MARCHF6: variants seen among roughly 807,000 people sequenced by gnomAD.
MARCHF6 encodes the protein membrane associated ring-CH-type finger 6, also known as E3 ubiquitin-protein ligase MARCHF6.
In MARCHF6, 31 loss-of-function variants were observed where a neutral mutation model predicts 133.7. The ratio of observed to expected loss-of-function variants is 0.23; its 90% CI spans 0.17 to 0.31. The LOEUF is 0.31. Ranked by LOEUF, MARCHF6 falls within the 10% of genes least tolerant of loss-of-function variation. The probability of loss-of-function intolerance (pLI) is 1.00; values close to 1 mark genes in which losing one functional copy is unlikely to be tolerated. For synonymous variants in MARCHF6, 395 were observed against 402.5 expected, an observed-to-expected ratio of 0.98 and a Z score of 0.22; for missense variants, 723 against 1,121.6, an observed-to-expected ratio of 0.64 and a Z score of 5.08.
intron 24 of MARCHF6, 25 bp from the exon 25 acceptor site, chr5:10,429,868 A>G (rs1740280964): frequency 1.9e-6 from 3 of 1,601,850 alleles, no homozygotes; most frequent in Non-Finnish European, 2.6e-6. Context: ...CATACACTGA[A>G]AGTTTTTCTT....
chr5:10,377,084 T>G (rs1407982092), intron 1 of MARCHF6, among the ~76,000 whole-genome samples: 1 of 152,086 alleles, frequency 6.6e-6, no homozygotes, highest in African/African-American at 2.4e-5. Flanking sequence ...GTCGTGCTGC[T>G]TTGGGGCCAC....
chr5:10,394,536 A>G (rs1738060013), intron 8 of MARCHF6, among the ~76,000 whole-genome samples: 2 of 152,196 alleles, frequency 1.3e-5, no homozygotes, highest in African/African-American at 2.4e-5. Flanking sequence ...TTTATAAATC[A>G]TGTAATTTTG....
At position 10,439,941 on chromosome 5, in the gene MARCHF6, G is replaced by A. The variant is rs1213944971; in HGVS notation, c.*6257G>A. 1 of 152,212 alleles carries A rather than the reference G, an allele frequency of 6.6e-6. No individual in the cohort carries two copies. Among genetic ancestry groups the A allele is most frequent in the East Asian group, 1.9e-4 (1 of 5,198 alleles). 9.4% of individuals were successfully genotyped at this position (152,212 alleles called of 1,614,324 possible). A position where few individuals can be genotyped will look rare whatever the true frequency, so the allele number is the denominator to read the frequency against. On this transcript the variant is annotated 3_prime_UTR_variant, in exon 26 of 26. Coordinates refer to ENST00000274140, the MANE Select transcript of MARCHF6 (RefSeq NM_005885.4). ...ACCCAAATGTTCTTCAGGCTCTTTA[G>A]CCTCTTCATTTCTTTCCTGAAGTGT...
At chr5:10,382,642 C>A (rs1273241602) in intron 4 of MARCHF6, among the ~76,000 whole-genome samples, 1 of 152,068 alleles carries the variant, frequency 6.6e-6, no homozygotes, top group Admixed American at 6.6e-5. Flanking sequence ...AGCTGACCAA[C>A]AAGGTGAAAC....
At chr5:10,403,305 TC>T in intron 14 of MARCHF6, 101 bp from the exon 15 acceptor site, 1 of 1,133,378 alleles carries the variant, frequency 8.8e-7, no homozygotes, top group East Asian at 2.4e-5. Flanking sequence ...TAGGAATTGT[TC>T]CTTGCATGCA....
In MARCHF6 at chr5:10,438,860, G is replaced by A. The variant is rs1740746505; in HGVS notation, c.*5176G>A. 1 of 152,204 alleles carries A rather than the reference G, an allele frequency of 6.6e-6. No individual in the cohort carries two copies. The highest frequency in any genetic ancestry group is 6.6e-5 in the Admixed American group (1 of 15,264). The allele number at this position is 152,204 out of a possible 1,614,324, so 9.4% of individuals were successfully genotyped here. ...AGGTCCCCCTGCCATTACTCTTTCA[G>A]CCTTCTGCAATCTAGTTCTACTTAG... On this transcript the variant is annotated 3_prime_UTR_variant, in exon 26 of 26. Coordinates refer to ENST00000274140, the MANE Select transcript of MARCHF6 (RefSeq NM_005885.4).
chr5:10,389,324 C>T (rs367912126), intron 5 of MARCHF6, among the ~76,000 whole-genome samples: 6 of 152,240 alleles, frequency 3.9e-5, no homozygotes, highest in African/African-American at 1.4e-4. Flanking sequence ...CATACTTTGC[C>T]TTTCTGAATT....
chr5:10,411,228 A>G, intron 18 of MARCHF6, 105 bp from the exon 19 acceptor site: 1 of 881,402 alleles, frequency 1.1e-6, no homozygotes, highest in Admixed American at 2.1e-5. Context: ...ATTCTGTATT[A>G]TACATTTTCT....
In MARCHF6 at chr5:10,391,630, C is replaced by T. The variant is rs1271976654; in HGVS notation, c.665C>T (p.Pro222Leu). The change falls in exon 7 of 26, where the codon CCT (proline) becomes CTT (leucine). Residue 222 changes from proline to leucine, a missense_variant. By Grantham distance (98) the Pro-to-Leu change is moderately conservative (BLOSUM62 -3). Transcript: ENST00000274140. ...PAENAVVGENPDAQDDQAEEE... is the reference protein window; with the variant it reads ...PAENAVVGENLDAQDDQAEEE... ...GAGAACGCAGTGGTGGGGGAAAACC[C>T]TGATGCCCAGGATGACCAGGCAGAA... The T allele has an allele frequency of 6.2e-7, 1 of 1,612,102 alleles. No homozygotes were observed. The highest frequency in any genetic ancestry group is 8.5e-7 in the Non-Finnish European group (1 of 1,179,298).
chr5:10,387,188 A>G (rs537016364), intron 5 of MARCHF6, 122 bp downstream of exon 5: 24 of 631,332 alleles, frequency 3.8e-5, no homozygotes, highest in South Asian at 1.5e-4. Flanking sequence ...ATTTATGTCT[A>G]TTACACTAAC....
At chr5:10,389,680 G>A (rs1246135446) in intron 5 of MARCHF6, among the ~76,000 whole-genome samples, 1 of 152,154 alleles carries the variant, frequency 6.6e-6, no homozygotes, top group African/African-American at 2.4e-5. Context: ...GGGATTACAG[G>A]CATGAGCTAC....
chr5:10,402,551 G>A lies in MARCHF6; in HGVS notation c.1141G>A (p.Val381Ile), dbSNP rs1275881173. The change falls in exon 14 of 26, where the codon GTA becomes ATA. Residue 381 changes from valine to isoleucine, a missense_variant. Around this residue, in one of 4 missense-constraint regions of MARCHF6, gnomAD observed 492 missense variants for 699.5 expected, o/e 0.70. Transcript: ENST00000274140. ...ACTTAAGGTCTCTTTGTTAGTGGTG[G>A]TAGAAATTGGAGTATTCCCTCTCAT... ...IVVKVSLLVV[V>I]EIGVFPLICG... The A allele has an allele frequency of 3.1e-6, 5 of 1,613,944 alleles. No homozygotes were observed. Among genetic ancestry groups the A allele is most frequent in the Non-Finnish European group, 4.2e-6 (5 of 1,179,874 alleles).
intron 24 of MARCHF6, among the ~76,000 whole-genome samples, chr5:10,426,847 A>G (rs536848769): frequency 6.6e-6 from 1 of 152,200 alleles, no homozygotes; most frequent in Admixed American, 6.5e-5. Flanking sequence ...AAAATTAAGT[A>G]ACAGTGTTGT....
intron 4 of MARCHF6, among the ~76,000 whole-genome samples, chr5:10,383,324 A>G (rs1273768276): frequency 6.6e-6 from 1 of 152,194 alleles, no homozygotes; most frequent in Non-Finnish European, 1.5e-5. Context: ...TAAAAGAGAT[A>G]ATGGAGATGA....
rs1315735265 is a variant in MARCHF6, at chr5:10,440,323, T to C, written c.*6639T>C. 2 of 152,218 alleles carry C rather than the reference T, an allele frequency of 1.3e-5. No individual in the cohort carries two copies. The highest frequency in any genetic ancestry group is 4.8e-5 in the African/African-American group (2 of 41,454). 9.4% of individuals were successfully genotyped at this position (152,218 alleles called of 1,614,324 possible). ...CCAGAGGTAACTGCTGTTAATAGTT[T>C]AGTTGTGTGCTTCCAGACATACCTT... On this transcript the variant is annotated 3_prime_UTR_variant, in exon 26 of 26. Coordinates refer to ENST00000274140, the MANE Select transcript of MARCHF6 (RefSeq NM_005885.4).
intron 1 of MARCHF6, among the ~76,000 whole-genome samples, chr5:10,367,059 C>G (rs770506262): frequency 6.6e-6 from 1 of 152,054 alleles, no homozygotes; most frequent in Non-Finnish European, 1.5e-5. Flanking sequence ...ACCCATAGCC[C>G]CAGTCTATTC....
intron 3 of MARCHF6, among the ~76,000 whole-genome samples, chr5:10,379,561 C>T (rs977334169): frequency 5.9e-5 from 9 of 151,896 alleles, no homozygotes; most frequent in African/African-American, 1.2e-4. Context: ...CCCGGGTTCA[C>T]GCCATTCTCC....
intron 4 of MARCHF6, among the ~76,000 whole-genome samples, chr5:10,382,630 C>G (rs1487998338): frequency 2.0e-5 from 3 of 152,074 alleles, no homozygotes; most frequent in Non-Finnish European, 2.9e-5. Context: ...GAGTTTGAGT[C>G]CAGCTGACCA....
chr5:10,389,321 T>C (rs755354715), intron 5 of MARCHF6, among the ~76,000 whole-genome samples: 1 of 152,222 alleles, frequency 6.6e-6, no homozygotes, highest in African/African-American at 2.4e-5. Context: ...AACCATACTT[T>C]GCCTTTCTGA....
Sources: allele counts gnomAD v4.1 joint callset (sites outside exome capture counted in the v4.1 genomes callset), GRCh38; gene constraint gnomAD v4.1.1; regional missense constraint gnomAD v4.1.1; transcripts MANE v1.5; gene names NCBI Gene and HGNC (gene_info 2026-07-23, HGNC 2026-07-21).